SLC35F1: variants seen among roughly 807,000 people sequenced by gnomAD.
SLC35F1 encodes the protein chromosome 6 open reading frame 169.
A neutral mutation model predicts 48.7 loss-of-function variants in SLC35F1; 14 were observed. The observed-to-expected ratio is 0.29, with a 90% CI of 0.19 to 0.45. SLC35F1 has a LOEUF of 0.45. Among genes scored for constraint, SLC35F1 ranks in the 20% least tolerant of loss-of-function variants. The pLI, the probability that SLC35F1 is intolerant of heterozygous loss-of-function variation, is 1.00. For missense variants in SLC35F1, 404 were observed against 500.0 expected (o/e 0.81, Z 1.83); for synonymous variants, 190 against 202.2 (o/e 0.94, Z 0.51).
chr6:118,000,594 T>G (rs1012063427), intron 1 of SLC35F1, among the ~76,000 whole-genome samples: 19 of 152,116 alleles, frequency 1.2e-4, no homozygotes, highest in South Asian at 2.1e-4. Flanking sequence ...GGAAGTTCTG[T>G]CCAGGGCAAT....
At chr6:118,250,630 G>A (rs944987402) in intron 3 of SLC35F1, among the ~76,000 whole-genome samples, 1 of 152,206 alleles carries the variant, frequency 6.6e-6, no homozygotes, top group Non-Finnish European at 1.5e-5. Context: ...ACTCTGACAA[G>A]GGAGAAGGAC....
At position 118,174,332 on chromosome 6, in the gene SLC35F1, A is replaced by G. The variant is rs559438751; in HGVS notation, c.349+19712A>G. On this transcript the variant is annotated intron_variant, in intron 2 of 7. Transcript: ENST00000360388. ...AGTTCCAGTGGGATCAGTCAACAAC[A>G]TTCATGAAGACATGGGAATTTCACG... is the stretch of plus-strand genomic sequence containing the variant. Among the ~76,000 whole-genome samples, 3 of 152,290 alleles carry G rather than the reference A, an allele frequency of 2.0e-5. No individual in the cohort carries two copies. In the East Asian group the frequency reaches 5.8e-4, roughly 29 times the overall value.
chr6:118,186,664 T>C (rs1346259409), intron 2 of SLC35F1, among the ~76,000 whole-genome samples: 1 of 152,202 alleles, frequency 6.6e-6, no homozygotes, highest in East Asian at 1.9e-4. Flanking sequence ...CAGTAAGCAT[T>C]GACTGAGCTG....
intron 1 of SLC35F1, among the ~76,000 whole-genome samples, chr6:118,051,202 G>A (rs978805516): frequency 6.6e-6 from 1 of 152,128 alleles, no homozygotes; most frequent in Non-Finnish European, 1.5e-5. Context: ...CATTTATCAA[G>A]CATTGCCTTT....
chr6:118,085,486 C>CTTT (rs1562285128), intron 1 of SLC35F1, among the ~76,000 whole-genome samples: 6 of 83,012 alleles, frequency 7.2e-5, no homozygotes, highest in Admixed American at 1.7e-4. Context: ...TTCTTTCTTT[C>CTTT]CTTTTTTTTT....
At chr6:118,289,760 C>T (rs1776096606) in intron 7 of SLC35F1, among the ~76,000 whole-genome samples, 1 of 152,282 alleles carries the variant, frequency 6.6e-6, no homozygotes, top group Admixed American at 6.5e-5. Context: ...TGCCTAGGTC[C>T]TGCCCAAGAA....
intron 1 of SLC35F1, among the ~76,000 whole-genome samples, chr6:118,017,389 G>C (rs1269045622): frequency 6.6e-6 from 1 of 152,194 alleles, no homozygotes; most frequent in African/African-American, 2.4e-5. Flanking sequence ...CAAGGTGGCT[G>C]CTCAATAGGG....
At chr6:118,175,452 A>T (rs1007139461) in intron 2 of SLC35F1, among the ~76,000 whole-genome samples, 1 of 152,162 alleles carries the variant, frequency 6.6e-6, no homozygotes. Flanking sequence ...ATCATCAGAA[A>T]CTTTGTAATC....
intron 1 of SLC35F1, among the ~76,000 whole-genome samples, chr6:118,139,940 G>T (rs570601534): frequency 1.3e-5 from 2 of 152,230 alleles, no homozygotes; most frequent in East Asian, 3.9e-4. Context: ...AAAATTTTTC[G>T]AGTTATAGTG....
intron 3 of SLC35F1, among the ~76,000 whole-genome samples, chr6:118,265,162 C>T (rs1775756249): frequency 6.6e-6 from 1 of 152,176 alleles, no homozygotes; most frequent in Admixed American, 6.5e-5. Context: ...TCACAAAAAG[C>T]TTTGGGGATA....
chr6:118,100,218 A>G (rs1773236547), intron 1 of SLC35F1, among the ~76,000 whole-genome samples: 1 of 152,166 alleles, frequency 6.6e-6, no homozygotes, highest in Non-Finnish European at 1.5e-5. Flanking sequence ...ACCATGCCAT[A>G]CTGCCTTGTT....
chr6:118,001,838 AC>A, intron 1 of SLC35F1, among the ~76,000 whole-genome samples: 1 of 152,188 alleles, frequency 6.6e-6, no homozygotes, highest in Non-Finnish European at 1.5e-5. Flanking sequence ...CAGCCAAAAA[AC>A]ATATGAAAAA....
At chr6:118,092,203 C>T (rs561907096) in intron 1 of SLC35F1, among the ~76,000 whole-genome samples, 1 of 152,262 alleles carries the variant, frequency 6.6e-6, no homozygotes, top group Admixed American at 6.5e-5. Context: ...AGCAGCCCCT[C>T]CCATCACAGG....
chr6:118,290,885 A>C (rs957136277), intron 7 of SLC35F1, among the ~76,000 whole-genome samples: 3 of 151,120 alleles, frequency 2.0e-5, no homozygotes, highest in African/African-American at 7.3e-5. Flanking sequence ...ACCTCCACCT[A>C]CCAGGTTCAA....
chr6:118,284,856 A>G (rs909441244), intron 6 of SLC35F1, among the ~76,000 whole-genome samples: 6 of 152,222 alleles, frequency 3.9e-5, no homozygotes, highest in African/African-American at 1.4e-4. Flanking sequence ...TGAGTAGCAA[A>G]AGCTGATTAC....
At chr6:118,044,972 A>C (rs1406197379) in intron 1 of SLC35F1, among the ~76,000 whole-genome samples, 1 of 152,220 alleles carries the variant, frequency 6.6e-6, no homozygotes, top group African/African-American at 2.4e-5. Flanking sequence ...TAATTTTTGT[A>C]CTATTATGTT....
At chr6:117,953,949 T>G (rs553140515) in intron 1 of SLC35F1, among the ~76,000 whole-genome samples, 2 of 152,312 alleles carry the variant, frequency 1.3e-5, no homozygotes, top group South Asian at 4.1e-4. Context: ...ATGTGGTCAA[T>G]CTCCTTGTAA....
chr6:118,027,144 AT>A (rs1346989662), intron 1 of SLC35F1, among the ~76,000 whole-genome samples: 1 of 151,994 alleles, frequency 6.6e-6, no homozygotes, highest in East Asian at 1.9e-4. Context: ...TAATTTATTT[AT>A]TTTTATCACT....
Position 117,923,661 on chromosome 6 carries a change from A to ACATATACACATATACATATG in SLC35F1, c.173+15762_173+15763insCATATACACATATACATATG, listed in dbSNP as rs1562238673. 4.5e-4 allele frequency among the ~76,000 whole-genome samples: 31 copies of ACATATACACATATACATATG among 69,612 alleles called. 5 individuals carry two copies. Among genetic ancestry groups the ACATATACACATATACATATG allele is most frequent in the Non-Finnish European group, 7.1e-4 (27 of 38,140 alleles). The allele number at this position is 69,612 out of a possible 152,430, so 45.7% of individuals were successfully genotyped here. ...TACATATGTACATATGTACATATGT[A>ACATATACACATATACATATG]TATATACATATATGTACATATATAC... On this transcript the variant is annotated intron_variant, in intron 1 of 7. Coordinates refer to ENST00000360388, the MANE Select transcript of SLC35F1 (RefSeq NM_001029858.4).
Sources: gnomAD v4.1 joint callset for allele counts (sites outside exome capture counted in the v4.1 genomes callset) on GRCh38, gnomAD v4.1.1 for gene constraint, MANE v1.5 for transcripts, NCBI Gene and HGNC (gene_info 2026-07-23, HGNC 2026-07-21) for gene names.